TRIM34: variants seen among roughly 807,000 people sequenced by gnomAD.
The protein encoded by TRIM34 is E3 ubiquitin-protein ligase TRIM34.
In TRIM34, 41 loss-of-function variants were observed where a neutral mutation model predicts 38.1. That is an observed-to-expected ratio of 1.08 (90% CI 0.84 to 1.40). The LOEUF is 1.40. Ranked by LOEUF, TRIM34 falls within the 40% of genes most tolerant of loss-of-function variation. The probability of loss-of-function intolerance (pLI) is 0.00; values close to 1 mark genes in which losing one functional copy is unlikely to be tolerated. For missense variants in TRIM34, 556 were observed against 571.4 expected, an observed-to-expected ratio of 0.97 and a Z score of 0.27; for synonymous variants, 200 against 202.5, an observed-to-expected ratio of 0.99 and a Z score of 0.10.
intron 5 of TRIM34, chr11:5,641,438 G>C (rs1304359968): frequency 3.1e-6 from 3 of 956,116 alleles, no homozygotes; most frequent in Non-Finnish European, 4.2e-6. Context: ...TTAAGGATGA[G>C]AGCTTTTACT....
At position 5,643,264 on chromosome 11, in the gene TRIM34, C is replaced by G. The variant is rs977019471; in HGVS notation, c.1022C>G (p.Ser341Cys). The G allele has an allele frequency of 8.1e-6, 13 of 1,613,992 alleles. No individual in the cohort carries two copies. Among genetic ancestry groups the G allele is most frequent in the Non-Finnish European group, 1.1e-5 (13 of 1,180,008 alleles). The part of the protein sequence containing the change: ...FQCYNYGVLG[S>C]QYFSSGKHYW... ...TGTTATAATTATGGTGTCTTGGGAT[C>G]CCAATATTTCTCCTCTGGGAAACAT... Residue 341 changes from serine (S) to cysteine (C), a missense_variant, in exon 8 of 8, where the codon TCC (serine) becomes TGC (cysteine). Physicochemically the swap from Ser to Cys is moderately radical, Grantham distance 112 (BLOSUM62 -1). Transcript: ENST00000429814.
rs190024871 is a variant in TRIM34, at chr11:5,627,584, A to G, written c.-78+2524A>G. Reference sequence around the variant, plus strand: ...AATGAAAATGATTCTATGTTAAAAAATAGCTTTTTGGAGATATATTGACCA... The same window carrying G: ...AATGAAAATGATTCTATGTTAAAAAGTAGCTTTTTGGAGATATATTGACCA... On this transcript the variant is annotated intron_variant, in intron 1 of 7. Transcript: ENST00000429814. 5.6e-4 allele frequency among the ~76,000 whole-genome samples: 85 copies of G among 152,336 alleles called. 1 individual carries two copies. In the South Asian group the frequency reaches 0.016, roughly 29 times the overall value.
At chr11:5,632,826 T>G in intron 2 of TRIM34, 72 bp downstream of exon 2, 1 of 1,174,050 alleles carries the variant, frequency 8.5e-7, no homozygotes, top group Non-Finnish European at 1.1e-6. Context: ...TTCATCCTTT[T>G]TTTTTTTTTT....
chr11:5,634,697 A>C lies in TRIM34; in HGVS notation c.586A>C (p.Asn196His). The C allele has an allele frequency of 6.2e-7, 1 of 1,614,100 alleles. No homozygotes were observed. The highest frequency in any genetic ancestry group is 8.5e-7 in the Non-Finnish European group (1 of 1,180,000). Residue 196 changes from asparagine to histidine, a missense_variant, in exon 4 of 8, where the codon AAT becomes CAT. Physicochemically the swap from Asn to His is moderately conservative, Grantham distance 68 (BLOSUM62 1). Transcript: ENST00000429814. ...TGATCAGCTTAGAAGCATCCTAAAT[A>C]ATGAGGAGCAGAGAGAGCTGCAAAG... ...EFDQLRSILN[N>H]EEQRELQRLE...
rs937477168 is a variant in TRIM34, at chr11:5,643,429, G to C, written c.1187G>C (p.Gly396Ala). 6.2e-7 allele frequency: 1 copy of C among 1,614,104 alleles called. No homozygotes were observed. Among genetic ancestry groups the C allele is most frequent in the Non-Finnish European group, 8.5e-7 (1 of 1,180,010 alleles). ...TACACCAAATACAGACCTCTATTTG[G>C]CTACTGGGTTATAGGGTTACAGAAT... ...NLYTKYRPLF[G>A]YWVIGLQNKC... Residue 396 changes from glycine to alanine, a missense_variant, in exon 8 of 8, where the codon GGC (glycine) becomes GCC (alanine). By Grantham distance (60) the Gly-to-Ala change is moderately conservative. Coordinates refer to ENST00000429814, the MANE Select transcript of TRIM34 (RefSeq NM_021616.6).
intron 4 of TRIM34, among the ~76,000 whole-genome samples, chr11:5,637,443 T>C (rs545952199): frequency 6.6e-6 from 1 of 152,238 alleles, no homozygotes; most frequent in Non-Finnish European, 1.5e-5. Context: ...TTTAGGTTGT[T>C]TCCCTTATAA....
intron 6 of TRIM34, 136 bp from the exon 7 acceptor site, chr11:5,642,681 C>T: frequency 7.6e-7 from 1 of 1,318,968 alleles, no homozygotes; most frequent in Non-Finnish European, 9.9e-7. Flanking sequence ...GGCTAGGTCT[C>T]TGGTTTATCT....
chr11:5,641,412 A>T, intron 5 of TRIM34: 2 of 1,193,298 alleles, frequency 1.7e-6, no homozygotes, highest in Non-Finnish European at 2.2e-6. Flanking sequence ...GTTCAGAGCT[A>T]CAGCCAAAAA....
intron 4 of TRIM34, among the ~76,000 whole-genome samples, chr11:5,639,644 C>T (rs1017163917): frequency 1.5e-5 from 2 of 133,572 alleles, no homozygotes; most frequent in African/African-American, 2.8e-5. Context: ...CGCACCACTG[C>T]ACTCCAGCCT....
chr11:5,623,739 A>G (rs1849088076), upstream of TRIM34, among the ~76,000 whole-genome samples: 1 of 151,842 alleles, frequency 6.6e-6, no homozygotes, highest in Non-Finnish European at 1.5e-5. Flanking sequence ...ATAGTAATTG[A>G]CTCCCTTAAA....
In TRIM34 at chr11:5,638,057, A is replaced by G. The variant is rs116876970; in HGVS notation, c.751-3110A>G. 3.7e-4 allele frequency among the ~76,000 whole-genome samples: 56 copies of G among 152,322 alleles called. 1 individual carries two copies. In the East Asian group the frequency reaches 0.01, roughly 28 times the overall value. On this transcript the variant is annotated intron_variant, in intron 4 of 7. Transcript: ENST00000429814. ...CAGCACTATCAAGAATGAATGAGTT[A>G]ATTATATGTAAATCAGCGTATCCAA...
intron 4 of TRIM34, among the ~76,000 whole-genome samples, chr11:5,640,040 A>G (rs1849938533): frequency 6.6e-6 from 1 of 152,232 alleles, no homozygotes; most frequent in Non-Finnish European, 1.5e-5. Flanking sequence ...TGTTGACTAT[A>G]GTCACACTGT....
upstream of TRIM34, among the ~76,000 whole-genome samples, chr11:5,621,967 G>A (rs541305260): frequency 7.2e-5 from 11 of 152,212 alleles, no homozygotes; most frequent in Admixed American, 2.6e-4. Flanking sequence ...ATGTTGTCAG[G>A]ACCTCCTGAG....
Position 5,635,319 on chromosome 11 carries a change from G to A in TRIM34, c.750+458G>A, listed in dbSNP as rs566192288. 3.1e-4 allele frequency among the ~76,000 whole-genome samples: 46 copies of A among 147,708 alleles called. 1 individual carries two copies. The East Asian group carries it at 7.6e-3, about 24-fold the overall frequency. ...CTCCCAGGCTGGAGTGCAGTGGTGC[G>A]ATCTCGGCTCACTGCAAGCTCCGCC... On this transcript the variant is annotated intron_variant, in intron 4 of 7. Transcript: ENST00000429814.
At chr11:5,637,902 A>G (rs1436824198) in intron 4 of TRIM34, among the ~76,000 whole-genome samples, 1 of 152,196 alleles carries the variant, frequency 6.6e-6, no homozygotes, top group African/African-American at 2.4e-5. Flanking sequence ...TTTGGGCTAC[A>G]TGGTACTCAT....
upstream of TRIM34, chr11:5,624,873 C>G (rs191054701): frequency 1.3e-5 from 2 of 152,244 alleles, no homozygotes; most frequent in Non-Finnish European, 2.9e-5. Flanking sequence ...TTCACCTAGA[C>G]GCTCCTTCCC....
At position 5,633,840 on chromosome 11, in the gene TRIM34, G is replaced by C. The variant is rs1473468852; in HGVS notation, c.460G>C (p.Glu154Gln). ...LQAVLKRLKK[E>Q]EEEAEKLEAD... Reference sequence around the variant, plus strand: ...GGCAGTCCTCAAGAGGCTGAAGAAGGAAGAGGAGGAAGCTGAGAAGCTGGA... The same window carrying C: ...GGCAGTCCTCAAGAGGCTGAAGAAGCAAGAGGAGGAAGCTGAGAAGCTGGA... The change falls in exon 3 of 8, where the codon GAA becomes CAA. Residue 154 changes from glutamate to glutamine, a missense_variant. By Grantham distance (29) the Glu-to-Gln change is conservative (BLOSUM62 2). Coordinates refer to ENST00000429814, the MANE Select transcript of TRIM34 (RefSeq NM_021616.6). 6.2e-7 allele frequency: 1 copy of C among 1,613,940 alleles called. No homozygotes were observed. The highest frequency in any genetic ancestry group is 2.2e-5 in the East Asian group (1 of 44,872).
upstream of TRIM34, among the ~76,000 whole-genome samples, chr11:5,624,378 A>G (rs1849113492): frequency 6.6e-6 from 1 of 152,190 alleles, no homozygotes; most frequent in Admixed American, 6.5e-5. Flanking sequence ...GGTCCTTTGT[A>G]GCCAACTTTT....
chr11:5,638,472 G>C (rs548744561), intron 4 of TRIM34, among the ~76,000 whole-genome samples: 44 of 150,742 alleles, frequency 2.9e-4, no homozygotes, highest in Non-Finnish European at 4.1e-4. Context: ...CCATTTATTT[G>C]GTTGTACACC....
Sources: gnomAD v4.1 joint callset for allele counts (sites outside exome capture counted in the v4.1 genomes callset) on GRCh38, gnomAD v4.1.1 for gene constraint, MANE v1.5 for transcripts, NCBI Gene and HGNC (gene_info 2026-07-23, HGNC 2026-07-21) for gene names.